The following MAP3K1 variants were observed in gnomAD, a reference collection of about 807,000 sequenced individuals.
MAP3K1 encodes MAP/ERK kinase kinase 1.
MAP3K1 carries 36 observed loss-of-function variants against 144.2 expected under a neutral mutation model. The ratio of observed to expected loss-of-function variants is 0.25; its 90% confidence interval spans 0.19 to 0.33. The LOEUF (loss-of-function observed/expected upper bound fraction) is 0.33. Among genes scored for constraint, MAP3K1 ranks in the 10% least tolerant of loss-of-function variants. The pLI, the probability that MAP3K1 is intolerant of heterozygous loss-of-function variation, is 1.00. For synonymous variants in MAP3K1, 718 were observed against 688.7 expected (o/e 1.04, Z -0.67); for missense variants, 1,650 against 1,881.9 (o/e 0.88, Z 2.28).
chr5:56,888,657 A>T (rs188240143), intron 19 of MAP3K1, among the ~76,000 whole-genome samples: 21 of 152,358 alleles, frequency 1.4e-4, no homozygotes, highest in Non-Finnish European at 2.9e-4. Context: ...TCAGCCACAC[A>T]ATCACGAGAG....
intron 1 of MAP3K1, among the ~76,000 whole-genome samples, chr5:56,825,722 ACT>A (rs1269948057): frequency 6.6e-6 from 1 of 152,010 alleles, no homozygotes; most frequent in Non-Finnish European, 1.5e-5. Flanking sequence ...TGTTATTGCC[ACT>A]CTCCTAGTAG....
intron 10 of MAP3K1, among the ~76,000 whole-genome samples, chr5:56,877,140 C>G (rs1748056710): frequency 6.6e-6 from 1 of 152,188 alleles, no homozygotes; most frequent in African/African-American, 2.4e-5. Flanking sequence ...CATGTAGCAT[C>G]TGGAGGGACC....
At chr5:56,866,754 C>T (rs150229745) in intron 6 of MAP3K1, among the ~76,000 whole-genome samples, 5 of 152,132 alleles carry the variant, frequency 3.3e-5, no homozygotes, top group Non-Finnish European at 5.9e-5. Flanking sequence ...GTGACAGGGT[C>T]GTAACAAGGG....
chr5:56,831,522 A>C (rs1169460838), intron 1 of MAP3K1, among the ~76,000 whole-genome samples: 2 of 152,316 alleles, frequency 1.3e-5, no homozygotes, highest in East Asian at 3.9e-4. Flanking sequence ...ATTCGAGTTT[A>C]ATCAGACCAA....
At chr5:56,882,936 T>C in intron 14 of MAP3K1, 70 bp downstream of exon 14, 1 of 1,253,688 alleles carries the variant, frequency 8.0e-7, no homozygotes, top group Non-Finnish European at 1.1e-6. Context: ...TACCTGGAAT[T>C]CCAGCACTTG....
At chr5:56,816,258 A>T (rs533230682) in intron 1 of MAP3K1, among the ~76,000 whole-genome samples, 2 of 151,838 alleles carry the variant, frequency 1.3e-5, no homozygotes, top group South Asian at 4.2e-4. Flanking sequence ...CCGGACGGGG[A>T]CGTGCGGAAG....
intron 16 of MAP3K1, 145 bp from the exon 17 acceptor site, chr5:56,885,787 A>T (rs1748360826): frequency 1.5e-6 from 1 of 682,012 alleles, no homozygotes; most frequent in South Asian, 1.8e-5. Flanking sequence ...TTGAGATGAT[A>T]CAGGAATATG....
At chr5:56,876,462 ATCT>A (rs1748034711) in intron 10 of MAP3K1, among the ~76,000 whole-genome samples, 1 of 152,258 alleles carries the variant, frequency 6.6e-6, no homozygotes, top group Non-Finnish European at 1.5e-5. Flanking sequence ...GGCCTAATGA[ATCT>A]TCTTGACAGG....
chr5:56,889,023 G>C (rs922390565), intron 19 of MAP3K1, among the ~76,000 whole-genome samples: 1 of 152,120 alleles, frequency 6.6e-6, no homozygotes, highest in Non-Finnish European at 1.5e-5. Context: ...CTAAAACACT[G>C]CTTCTAGAAG....
At chr5:56,843,827 G>GT (rs2111823035) in intron 1 of MAP3K1, among the ~76,000 whole-genome samples, 1 of 152,262 alleles carries the variant, frequency 6.6e-6, no homozygotes, top group Admixed American at 6.5e-5. Flanking sequence ...GATAGCTTAA[G>GT]TAGTATTAAG....
intron 6 of MAP3K1, among the ~76,000 whole-genome samples, chr5:56,870,218 G>A (rs1298847690): frequency 6.6e-6 from 1 of 152,150 alleles, no homozygotes; most frequent in African/African-American, 2.4e-5. Context: ...GCCTAGCTTA[G>A]CAGACTCTGA....
intron 1 of MAP3K1, among the ~76,000 whole-genome samples, chr5:56,817,436 T>A (rs555983831): frequency 3.9e-4 from 59 of 152,196 alleles, no homozygotes; most frequent in Non-Finnish European, 7.3e-4. Context: ...TTTTGTGCAT[T>A]TGATTATTTG....
At chr5:56,842,537 G>A (rs1746845797) in intron 1 of MAP3K1, among the ~76,000 whole-genome samples, 1 of 152,202 alleles carries the variant, frequency 6.6e-6, no homozygotes, top group African/African-American at 2.4e-5. Context: ...AGTAGTAGTA[G>A]TGATAGTAGT....
chr5:56,847,390 A>C (rs60200883), intron 1 of MAP3K1, among the ~76,000 whole-genome samples: 9,017 of 152,334 alleles, frequency 0.059, 285 homozygotes, highest in East Asian at 0.12. Flanking sequence ...TGAGGTCAGG[A>C]GTTTGAGACC....
intron 1 of MAP3K1, among the ~76,000 whole-genome samples, chr5:56,832,818 A>C (rs1746535600): frequency 6.6e-6 from 1 of 152,206 alleles, no homozygotes; most frequent in East Asian, 1.9e-4. Context: ...TAAATTATCT[A>C]TTTAGGTCTT....
chr5:56,827,028 G>A (rs2111768472), intron 1 of MAP3K1, among the ~76,000 whole-genome samples: 2 of 152,326 alleles, frequency 1.3e-5, no homozygotes, highest in South Asian at 4.1e-4. Context: ...CGATAAACGT[G>A]GAGGAATGAA....
Position 56,872,644 on chromosome 5 carries a change from C to T in MAP3K1, c.1427C>T (p.Ala476Val). 3.2e-6 allele frequency: 5 copies of T among 1,585,938 alleles called. No homozygotes were observed. The highest frequency in any genetic ancestry group is 4.3e-6 in the Non-Finnish European group (5 of 1,156,018). The change falls in exon 8 of 20, where the codon GCA becomes GTA. Residue 476 changes from alanine to valine, a missense_variant. Transcript: ENST00000399503. ...KLHHHCMSIW[A>V]EECRRNREPL... The stretch of plus-strand genomic sequence containing the variant: ...TTTTGTTTCTGTAATTTTTCAGGGG[C>T]AGAAGAGTGTAGAAGAAATAGAGAA...
Position 56,855,230 on chromosome 5 carries a change from A to T in MAP3K1, c.483-1370A>T, listed in dbSNP as rs533431945. 7.3e-5 allele frequency among the ~76,000 whole-genome samples: 11 copies of T among 151,206 alleles called. 1 individual carries two copies. The East Asian group carries it at 2.2e-3, about 30-fold the overall frequency. ...TCTTACTTTCTTCTACACATCCCCT[A>T]ATATTTATATTTTATAATCAGCATA... On this transcript the variant is annotated intron_variant, in intron 1 of 19. Coordinates refer to ENST00000399503, the MANE Select transcript of MAP3K1 (RefSeq NM_005921.2).
At chr5:56,816,580 A>C (rs571825894) in intron 1 of MAP3K1, among the ~76,000 whole-genome samples, 2 of 152,212 alleles carry the variant, frequency 1.3e-5, no homozygotes, top group South Asian at 4.1e-4. Context: ...AGCGGCCGTG[A>C]CAGGCAGAGC....
Sources: allele counts gnomAD v4.1 joint callset (sites outside exome capture counted in the v4.1 genomes callset), GRCh38; gene constraint gnomAD v4.1.1; transcripts MANE v1.5; gene names NCBI Gene and HGNC (gene_info 2026-07-23, HGNC 2026-07-21).